Variants in VIL1 observed in about 807,000 individuals in gnomAD.
VIL1 encodes the protein villin 1, also known as villin-1.
Under a neutral mutation model 104.0 loss-of-function variants are expected in VIL1, and 86 were observed. That is an observed-to-expected ratio of 0.83 (90% CI 0.69 to 0.99). VIL1 has a LOEUF of 0.99. VIL1 is among the 50% of genes least tolerant of loss of function. VIL1 has a pLI of 0.00. For missense variants in VIL1, 944 were observed against 1,054.1 expected (o/e 0.90, Z 1.45); for synonymous variants, 394 against 412.6 (o/e 0.95, Z 0.55).
intron 19 of VIL1, among the ~76,000 whole-genome samples, chr2:218,443,479 G>A (rs142027068): frequency 4.5e-4 from 69 of 152,084 alleles, no homozygotes; most frequent in African/African-American, 1.5e-3. Context: ...ACAAGCATGA[G>A]CCACCACGCC....
At chr2:218,442,553 C>T (rs186002258) in intron 19 of VIL1, among the ~76,000 whole-genome samples, 2 of 152,126 alleles carry the variant, frequency 1.3e-5, no homozygotes, top group African/African-American at 4.8e-5. Flanking sequence ...TTACTACAGC[C>T]TCAACTTTCT....
rs376093880 is a variant in VIL1, at chr2:218,436,602, G to A, written c.1947G>A (p.Val649=). The part of the protein sequence containing the change: ...FNQDDLEEDD[V]FLLDVWDQVF... ...AGGATGACTTGGAAGAGGATGATGT[G>A]TTCCTACTAGATGTCTGGGACCAGG... is the stretch of plus-strand genomic sequence containing the variant. The change falls in exon 16 of 20, where the codon GTG becomes GTA. Residue 649 remains valine (V), a synonymous_variant. Coordinates refer to ENST00000248444, the MANE Select transcript of VIL1 (RefSeq NM_007127.3). 8.7e-6 allele frequency: 14 copies of A among 1,614,086 alleles called. No homozygotes were observed. The African/African-American group carries it at 1.7e-4, about 20-fold the overall frequency.
chr2:218,432,011 TCCTGGACCTCAC>T, intron 11 of VIL1, 23 bp from the exon 12 acceptor site: 1 of 1,614,040 alleles, frequency 6.2e-7, no homozygotes, highest in South Asian at 1.1e-5. Flanking sequence ...GTGGAGCCTG[TCCTGGACCTCAC>T]CCTGGCCTGA....
Position 218,428,327 on chromosome 2 carries a change from A to G in VIL1, c.557A>G (p.Glu186Gly). The change falls in exon 6 of 20, where the codon GAG becomes GGG. Residue 186 changes from glutamate (E) to glycine (G), a missense_variant. Physicochemically the swap from Glu to Gly is moderately conservative, Grantham distance 98. Coordinates refer to ENST00000248444, the MANE Select transcript of VIL1 (RefSeq NM_007127.3). The part of the protein sequence containing the change: ...QWNGPESTRM[E>G]RLRGMTLAKE... ...AATGGACCGGAAAGCACCCGTATGG[A>G]GAGACTCAGGGTAAACCTGCCCATG... is the stretch of plus-strand genomic sequence containing the variant. 5 of 1,614,096 alleles carry G rather than the reference A, an allele frequency of 3.1e-6. No homozygotes were observed. The highest frequency in any genetic ancestry group is 4.2e-6 in the Non-Finnish European group (5 of 1,179,970).
chr2:218,445,932 T>C (rs1689357430), intron 19 of VIL1, among the ~76,000 whole-genome samples: 1 of 152,154 alleles, frequency 6.6e-6, no homozygotes, highest in Admixed American at 6.5e-5. Flanking sequence ...GTGACTCCAG[T>C]TGTGATTTCT....
chr2:218,444,690 A>C (rs973611736), intron 19 of VIL1, among the ~76,000 whole-genome samples: 1 of 152,176 alleles, frequency 6.6e-6, no homozygotes, highest in South Asian at 2.1e-4. Flanking sequence ...GTCTGCTCCA[A>C]TCTTGCAAGG....
rs1689478454 is a variant in VIL1 at position 218,451,541 on chromosome 2, CTTTAA to C, written c.*2210_*2214del. On this transcript the variant is annotated 3_prime_UTR_variant, in exon 20 of 20. Coordinates refer to ENST00000248444, the MANE Select transcript of VIL1 (RefSeq NM_007127.3). Reference sequence around the variant, plus strand: ...GAGTTTACAAACTACTTTTTTTTCTCTTTAATTTAGGTGTTTGCAGATAATTTTCA... The same window carrying C: ...GAGTTTACAAACTACTTTTTTTTCTCTTTAGGTGTTTGCAGATAATTTTCA... 2.0e-5 allele frequency: 3 copies of C among 148,584 alleles called. No homozygotes were observed. Among genetic ancestry groups the C allele is most frequent in the African/African-American group, 7.5e-5 (3 of 40,156 alleles). 9.2% of individuals were successfully genotyped at this position (148,584 alleles called of 1,614,324 possible). A position where few individuals can be genotyped will look rare whatever the true frequency, so the allele number is the denominator to read the frequency against.
At chr2:218,421,878 A>G (rs1164297150) in intron 1 of VIL1, among the ~76,000 whole-genome samples, 1 of 152,188 alleles carries the variant, frequency 6.6e-6, no homozygotes, top group Non-Finnish European at 1.5e-5. Flanking sequence ...TCATCGATTT[A>G]GTTAACCCCC....
At chr2:218,420,907 A>G (rs368165070) in intron 1 of VIL1, among the ~76,000 whole-genome samples, 36 of 152,222 alleles carry the variant, frequency 2.4e-4, no homozygotes, top group African/African-American at 8.2e-4. Flanking sequence ...TTGAGCACCT[A>G]CTATGTGCTA....
Position 218,428,013 on chromosome 2 carries a change from C to T in VIL1, c.396C>T (p.Asn132=). The part of the protein sequence containing the change: ...VASGMKHVET[N]SYDVQRLLHV... The stretch of plus-strand genomic sequence containing the variant: ...CTGGCATGAAGCACGTGGAGACCAA[C>T]TCCTATGACGTCCAGAGGCTGCTGC... Residue 132 remains asparagine, a synonymous_variant, in exon 5 of 20, where the codon AAC becomes AAT. Coordinates refer to ENST00000248444, the MANE Select transcript of VIL1 (RefSeq NM_007127.3). 3 of 1,614,192 alleles carry T rather than the reference C, an allele frequency of 1.9e-6. No individual in the cohort carries two copies. The highest frequency in any genetic ancestry group is 1.1e-5 in the South Asian group (1 of 91,088).
rs762461521 is a variant in VIL1 at position 218,432,833 on chromosome 2, A to C, written c.1382A>C (p.Tyr461Ser). The C allele has an allele frequency of 6.2e-7, 1 of 1,614,212 alleles. No homozygotes were observed. The highest frequency in any genetic ancestry group is 1.1e-5 in the South Asian group (1 of 91,076). The part of the protein sequence containing the change: ...ASQDEITASA[Y>S]QAVILDQKYN... ...CAAGATGAAATTACAGCATCAGCTTATCAAGCCGTCATCCTGGACCAGAAG... is the reference window on the plus strand; with the variant it reads ...CAAGATGAAATTACAGCATCAGCTTCTCAAGCCGTCATCCTGGACCAGAAG... The change falls in exon 13 of 20, where the codon TAT becomes TCT. Residue 461 changes from tyrosine to serine, a missense_variant. Physicochemically the swap from Tyr to Ser is moderately radical, Grantham distance 144. Transcript: ENST00000248444.
rs3888879 is a variant in VIL1, at chr2:218,425,953, C to T, written c.347+142C>T. 249,392 of 790,352 alleles carry T rather than the reference C, an allele frequency of 0.32. 40,678 individuals are homozygous for T. The highest frequency in any genetic ancestry group is 0.34 in the Non-Finnish European group (189,212 of 550,862). The allele number at this position is 790,352 out of a possible 1,614,324, so 49.0% of individuals were successfully genotyped here. A position where few individuals can be genotyped will look rare whatever the true frequency, so the allele number is the denominator to read the frequency against. On this transcript the variant is annotated intron_variant, in intron 4 of 19. Coordinates refer to ENST00000248444, the MANE Select transcript of VIL1 (RefSeq NM_007127.3). ...TGGAGCAGGGGGAGGTGACCTGGGG[C>T]GGGGAAGGGACCCTGAAGCTGTGGG...
At chr2:218,432,381 C>A in intron 12 of VIL1, 198 bp downstream of exon 12, 1 of 880,458 alleles carries the variant, frequency 1.1e-6, no homozygotes, top group Non-Finnish European at 1.8e-6. Context: ...CTCTGAGTCT[C>A]CCTTCCAATT....
At chr2:218,438,088 C>T (rs1553534911) in intron 17 of VIL1, among the ~76,000 whole-genome samples, 1 of 152,170 alleles carries the variant, frequency 6.6e-6, no homozygotes, top group Non-Finnish European at 1.5e-5. Context: ...TATCGAGATG[C>T]CAGGTTTTCT....
intron 1 of VIL1, among the ~76,000 whole-genome samples, chr2:218,420,556 C>T (rs1443466246): frequency 6.6e-6 from 1 of 150,664 alleles, no homozygotes; most frequent in African/African-American, 2.4e-5. Context: ...CACAGTTCAG[C>T]CTTTCAGCAT....
chr2:218,422,870 G>A (rs1402266464), intron 1 of VIL1, among the ~76,000 whole-genome samples: 2 of 152,186 alleles, frequency 1.3e-5, no homozygotes, highest in Admixed American at 6.5e-5. Flanking sequence ...AAACTAGGGA[G>A]GAGAATAACT....
At chr2:218,423,548 C>T (rs1688929018) in intron 1 of VIL1, among the ~76,000 whole-genome samples, 1 of 152,080 alleles carries the variant, frequency 6.6e-6, no homozygotes, top group African/African-American at 2.4e-5. Context: ...TCACTCCTTC[C>T]CTCCCCCTCT....
Position 218,437,216 on chromosome 2 carries a change from G to A in VIL1, c.2064G>A (p.Gly688=). The change falls in exon 17 of 20, where the codon GGG becomes GGA. Residue 688 remains glycine, a synonymous_variant. Transcript: ENST00000248444. ...AQEYLKTHPS[G]RDPETPIIVV... Reference sequence around the variant, plus strand: ...AATACCTCAAGACCCATCCCAGCGGGCGTGACCCTGAGACCCCCATCATTG... The same window carrying A: ...AATACCTCAAGACCCATCCCAGCGGACGTGACCCTGAGACCCCCATCATTG... 3 of 1,614,200 alleles carry A rather than the reference G, an allele frequency of 1.9e-6. No individual in the cohort carries two copies. The highest frequency in any genetic ancestry group is 2.5e-6 in the Non-Finnish European group (3 of 1,180,038).
At position 218,440,708 on chromosome 2, in the gene VIL1, C is replaced by A; in HGVS notation, c.2230-14C>A. ...ACCAGCTAAAGTAACCAGTGGTTTC[C>A]TTTTCTTTCCTAGGAGGTCACAAGC... On this transcript the variant is annotated splice_polypyrimidine_tract_variant and intron_variant, in intron 18 of 19. Coordinates refer to ENST00000248444, the MANE Select transcript of VIL1 (RefSeq NM_007127.3). 1 of 1,613,608 alleles carries A rather than the reference C, an allele frequency of 6.2e-7. No individual in the cohort carries two copies.
Sources: allele counts gnomAD v4.1 joint callset (sites outside exome capture counted in the v4.1 genomes callset), GRCh38; gene constraint gnomAD v4.1.1; transcripts MANE v1.5; gene names NCBI Gene and HGNC (gene_info 2026-07-23, HGNC 2026-07-21).